Variants in CD28 observed in about 807,000 individuals in gnomAD.
CD28 encodes the protein CD28 molecule.
In CD28, 8 loss-of-function variants were observed where a neutral mutation model predicts 21.4. The observed-to-expected ratio is 0.37, with a 90% CI of 0.22 to 0.68. The LOEUF is 0.68. Ranked by LOEUF, CD28 falls within the 30% of genes least tolerant of loss-of-function variation. The pLI, the probability that CD28 is intolerant of heterozygous loss-of-function variation, is 0.55. For missense variants in CD28, 239 were observed against 272.2 expected (o/e 0.88, Z 0.86); for synonymous variants, 106 against 104.0 (o/e 1.02, Z -0.12).
intron 1 of CD28, among the ~76,000 whole-genome samples, chr2:203,722,803 G>T (rs1019193107): frequency 2.0e-5 from 3 of 152,222 alleles, no homozygotes; most frequent in Non-Finnish European, 4.4e-5. Context: ...AGTAGACAAG[G>T]CATGGAGGTA....
intron 3 of CD28, among the ~76,000 whole-genome samples, chr2:203,733,872 G>C (rs1334171476): frequency 6.6e-6 from 1 of 152,168 alleles, no homozygotes. Flanking sequence ...GACAAGGAAG[G>C]TGTGAAGTGC....
chr2:203,710,818 T>G (rs540673542), intron 1 of CD28, among the ~76,000 whole-genome samples: 3 of 152,360 alleles, frequency 2.0e-5, no homozygotes, highest in Admixed American at 2.0e-4. Context: ...CGGACACTCC[T>G]TCAAAGCACA....
chr2:203,732,159 G>A (rs867537572), intron 3 of CD28, among the ~76,000 whole-genome samples: 4 of 152,132 alleles, frequency 2.6e-5, no homozygotes, highest in Non-Finnish European at 4.4e-5. Context: ...GGTCTGCAGC[G>A]TGCCTTGATG....
chr2:203,714,753 G>A (rs761930165), intron 1 of CD28, among the ~76,000 whole-genome samples: 16 of 152,124 alleles, frequency 1.1e-4, no homozygotes, highest in Non-Finnish European at 2.1e-4. Flanking sequence ...CCTTGTGGAT[G>A]CTCTTATGAC....
Position 203,726,764 on chromosome 2 carries a change from G to A in CD28, c.184G>A (p.Ala62Thr), listed in dbSNP as rs187859903. Residue 62 changes from alanine to threonine, a missense_variant, in exon 2 of 4, where the codon GCT (alanine) becomes ACT (threonine). By Grantham distance (58) the Ala-to-Thr change is moderately conservative. Transcript: ENST00000324106. ...ATCCCTTCACAAAGGACTGGATAGTGCTGTGGAAGTCTGTGTTGTATATGG... is the reference window on the plus strand; with the variant it reads ...ATCCCTTCACAAAGGACTGGATAGTACTGTGGAAGTCTGTGTTGTATATGG... ...RASLHKGLDS[A>T]VEVCVVYGNY... The A allele has an allele frequency of 2.5e-5, 41 of 1,614,142 alleles. No homozygotes were observed. In the East Asian group the frequency reaches 9.1e-4, roughly 36 times the overall value.
intron 1 of CD28, among the ~76,000 whole-genome samples, chr2:203,714,197 T>A (rs909102679): frequency 1.3e-5 from 2 of 152,178 alleles, no homozygotes; most frequent in Admixed American, 1.3e-4. Flanking sequence ...TAGGTCATGA[T>A]GTTAAACCTA....
Position 203,734,798 on chromosome 2 carries a change from G to A in CD28, c.549G>A (p.Arg183=). Residue 183 remains arginine (R), a synonymous_variant, in exon 4 of 4, where the codon AGG becomes AGA. Transcript: ENST00000324106. The part of the protein sequence containing the change: ...AFIIFWVRSK[R]SRLLHSDYMN... The stretch of plus-strand genomic sequence containing the variant: ...CTTTCCTGCAGGTGAGGAGTAAGAG[G>A]AGCAGGCTCCTGCACAGTGACTACA... The A allele has an allele frequency of 6.2e-7, 1 of 1,614,156 alleles. No homozygotes were observed.
rs1262415385 is a variant in CD28 at position 203,736,933 on chromosome 2, T to C, written c.*2021T>C. 1.3e-5 allele frequency: 2 copies of C among 152,202 alleles called. No individual in the cohort carries two copies. The highest frequency in any genetic ancestry group is 6.5e-5 in the Admixed American group (1 of 15,284). The allele number at this position is 152,202 out of a possible 1,614,324, so 9.4% of individuals were successfully genotyped here. On this transcript the variant is annotated 3_prime_UTR_variant, in exon 4 of 4. Coordinates refer to ENST00000324106, the MANE Select transcript of CD28 (RefSeq NM_006139.4). ...GCTATTGGTATTATTGCCATATAGA[T>C]AAATTATGTATAAAAATTAAACTGG... is the stretch of plus-strand genomic sequence containing the variant.
intron 3 of CD28, among the ~76,000 whole-genome samples, chr2:203,734,513 A>C (rs980681103): frequency 1.3e-5 from 2 of 152,238 alleles, no homozygotes; most frequent in Admixed American, 6.5e-5. Flanking sequence ...TATGTTAATT[A>C]GTGTGCATTT....
chr2:203,726,811 G>A lies in CD28; in HGVS notation c.231G>A (p.Gln77=). 1.2e-6 allele frequency: 2 copies of A among 1,614,130 alleles called. No homozygotes were observed. The highest frequency in any genetic ancestry group is 1.1e-5 in the South Asian group (1 of 91,072). ...ATGGGAATTACTCCCAGCAGCTTCAGGTTTACTCAAAAACGGGGTTCAACT... is the reference window on the plus strand; with the variant it reads ...ATGGGAATTACTCCCAGCAGCTTCAAGTTTACTCAAAAACGGGGTTCAACT... ...VVYGNYSQQL[Q]VYSKTGFNCD... is the part of the protein sequence containing the mutation. Residue 77 remains glutamine (Q), a synonymous_variant, in exon 2 of 4, where the codon CAG becomes CAA. Transcript: ENST00000324106.
chr2:203,725,106 A>G (rs776064070), intron 1 of CD28, among the ~76,000 whole-genome samples: 6 of 152,090 alleles, frequency 3.9e-5, no homozygotes, highest in Non-Finnish European at 5.9e-5. Flanking sequence ...CCTGACCAAC[A>G]TGGAGAAACC....
intron 1 of CD28, among the ~76,000 whole-genome samples, chr2:203,710,317 GT>G: frequency 6.6e-6 from 1 of 152,326 alleles, no homozygotes; most frequent in South Asian, 2.1e-4. Context: ...TTAACACATT[GT>G]GTTTTTTAAG....
intron 1 of CD28, among the ~76,000 whole-genome samples, chr2:203,715,556 G>A (rs1217350684): frequency 6.6e-6 from 1 of 152,116 alleles, no homozygotes; most frequent in Non-Finnish European, 1.5e-5. Context: ...ATTGCTGTGT[G>A]GTGTCTCTGA....
At position 203,715,116 on chromosome 2, in the gene CD28, C is replaced by G. The variant is rs537290042; in HGVS notation, c.52+8368C>G. Among the ~76,000 whole-genome samples the G allele has an allele frequency of 2.0e-5, 3 of 152,174 alleles. No homozygotes were observed. The East Asian group carries it at 5.8e-4, about 29-fold the overall frequency. Reference sequence around the variant, plus strand: ...ATGAGGGATCAGGATAATTGTGGCTCAGGAGGAAAATATGGCTCTCAAATT... The same window carrying G: ...ATGAGGGATCAGGATAATTGTGGCTGAGGAGGAAAATATGGCTCTCAAATT... On this transcript the variant is annotated intron_variant, in intron 1 of 3. Transcript: ENST00000324106.
At chr2:203,712,254 G>A (rs1200741990) in intron 1 of CD28, among the ~76,000 whole-genome samples, 2 of 152,060 alleles carry the variant, frequency 1.3e-5, no homozygotes, top group Non-Finnish European at 2.9e-5. Context: ...CAAGTAATTA[G>A]GTAGTTAACT....
At position 203,734,996 on chromosome 2, in the gene CD28, T is replaced by A; in HGVS notation, c.*84T>A. ...CTCTGGATAGGAAATGACCGCCATC[T>A]CCAGCCGGCCACCTCAGGCCCCTGT... On this transcript the variant is annotated 3_prime_UTR_variant, in exon 4 of 4. Coordinates refer to ENST00000324106, the MANE Select transcript of CD28 (RefSeq NM_006139.4). 6.5e-7 allele frequency: 1 copy of A among 1,527,188 alleles called. No homozygotes were observed. 94.6% of individuals were successfully genotyped at this position (1,527,188 alleles called of 1,614,324 possible).
chr2:203,733,771 A>T (rs1308016584), intron 3 of CD28, among the ~76,000 whole-genome samples: 1 of 152,226 alleles, frequency 6.6e-6, no homozygotes, highest in Non-Finnish European at 1.5e-5. Flanking sequence ...AGAGTTGAAG[A>T]AGATGAGGAC....
intron 1 of CD28, among the ~76,000 whole-genome samples, chr2:203,724,507 T>C (rs958653164): frequency 2.6e-5 from 4 of 152,180 alleles, no homozygotes; most frequent in African/African-American, 4.8e-5. Context: ...GGCACAGATA[T>C]TTTTTCATTT....
At chr2:203,722,638 G>A (rs1400276587) in intron 1 of CD28, among the ~76,000 whole-genome samples, 2 of 152,284 alleles carry the variant, frequency 1.3e-5, no homozygotes, top group African/African-American at 4.8e-5. Flanking sequence ...GGAAACCAGG[G>A]GCCTAAGGGA....
Sources: allele counts gnomAD v4.1 joint callset (sites outside exome capture counted in the v4.1 genomes callset), GRCh38; gene constraint gnomAD v4.1.1; transcripts MANE v1.5; gene names NCBI Gene and HGNC (gene_info 2026-07-23, HGNC 2026-07-21).